The following GLG1 variants were observed in gnomAD, a reference collection of about 807,000 sequenced individuals.
The protein encoded by GLG1 is golgi glycoprotein 1, also known as Golgi apparatus protein 1.
GLG1 carries 38 observed loss-of-function variants against 160.5 expected under a neutral mutation model. The ratio of observed to expected loss-of-function variants is 0.24; its 90% confidence interval spans 0.18 to 0.31. The LOEUF (loss-of-function observed/expected upper bound fraction) is 0.31. Ranked by LOEUF, GLG1 falls within the 10% of genes least tolerant of loss-of-function variation. The pLI, the probability that GLG1 is intolerant of heterozygous loss-of-function variation, is 1.00. For missense variants in GLG1, 1,373 were observed against 1,505.2 expected, an observed-to-expected ratio of 0.91 and a Z score of 1.45; for synonymous variants, 644 against 543.4, an observed-to-expected ratio of 1.19 and a Z score of -2.57.
At chr16:74,515,118 C>T (rs1158481970) in intron 2 of GLG1, among the ~76,000 whole-genome samples, 1 of 152,060 alleles carries the variant, frequency 6.6e-6, no homozygotes, top group East Asian at 1.9e-4. Context: ...TATATGCACC[C>T]AATACAGGAG....
At position 74,477,309 on chromosome 16, in the gene GLG1, G is replaced by A. The variant is rs2015418558; in HGVS notation, c.1965+87C>T. Reference sequence around the variant, plus strand: ...TCACATCTGTAAGGTAAAGAGAGATGGATTTTATGGTGTTTGTACTCTGCA... The same window carrying A: ...TCACATCTGTAAGGTAAAGAGAGATAGATTTTATGGTGTTTGTACTCTGCA... On this transcript the variant is annotated intron_variant, in intron 12 of 25. Transcript: ENST00000422840. 7.1e-6 allele frequency: 7 copies of A among 985,274 alleles called. No individual in the cohort carries two copies. The East Asian group carries it at 1.4e-4, about 20-fold the overall frequency. 61.0% of individuals were successfully genotyped at this position (985,274 alleles called of 1,614,324 possible).
Position 74,570,658 on chromosome 16 carries a change from C to T in GLG1, c.438+35999G>A, listed in dbSNP as rs139012984. On this transcript the variant is annotated intron_variant, in intron 1 of 25. Coordinates refer to ENST00000422840, the MANE Select transcript of GLG1 (RefSeq NM_001145667.2). ...CATCTGTAATCACAACACTTTGGGA[C>T]GCCAGGGCAGGAGCATCACTTGAGA... Among the ~76,000 whole-genome samples the T allele has an allele frequency of 5.3e-5, 8 of 152,164 alleles. No individual in the cohort carries two copies. In the East Asian group the frequency reaches 1.2e-3, roughly 22 times the overall value.
chr16:74,469,284 T>C (rs977393100), intron 16 of GLG1: 1 of 573,930 alleles, frequency 1.7e-6, no homozygotes, highest in African/African-American at 1.9e-5. Context: ...ACTACATTCC[T>C]GACAGAAGGG....
At chr16:74,600,199 A>T (rs1039902718) in intron 1 of GLG1, among the ~76,000 whole-genome samples, 1 of 152,102 alleles carries the variant, frequency 6.6e-6, no homozygotes, top group Non-Finnish European at 1.5e-5. Flanking sequence ...AGAGAAGTAT[A>T]CCTACCACAT....
At chr16:74,595,799 T>C (rs1958285955) in intron 1 of GLG1, among the ~76,000 whole-genome samples, 2 of 152,162 alleles carry the variant, frequency 1.3e-5, no homozygotes, top group South Asian at 4.1e-4. Context: ...TAACCCAATA[T>C]ATCGAAATTT....
At position 74,485,834 on chromosome 16, in the gene GLG1, G is replaced by T; in HGVS notation, c.1533C>A (p.Ile511=). The stretch of plus-strand genomic sequence containing the variant: ...ATCTTATATGTTTGCAGGCTGTCTG[G>T]ATTACAGATTCACAAGCTTCATTCA... ...RALNEACESV[I]QTACKHIRSG... The change falls in exon 9 of 26, where the codon ATC becomes ATA. Residue 511 remains isoleucine (I), a synonymous_variant. Transcript: ENST00000422840. The T allele has an allele frequency of 6.2e-7, 1 of 1,612,922 alleles. No homozygotes were observed. The highest frequency in any genetic ancestry group is 8.5e-7 in the Non-Finnish European group (1 of 1,178,962).
At chr16:74,516,631 T>G (rs1386840058) in intron 2 of GLG1, among the ~76,000 whole-genome samples, 1 of 152,008 alleles carries the variant, frequency 6.6e-6, no homozygotes, top group Non-Finnish European at 1.5e-5. Context: ...CACCCTAACA[T>G]CATAATTAAA....
In GLG1 at chr16:74,522,840, C is replaced by T. The variant is rs117849084; in HGVS notation, c.471+9281G>A. ...CTGGGACCACAGGCCTGCATCACCA[C>T]ACCCAGCTAATTTTTCATATTTTTT... On this transcript the variant is annotated intron_variant, in intron 2 of 25. Transcript: ENST00000422840. 7.7e-3 allele frequency among the ~76,000 whole-genome samples: 1,170 copies of T among 152,258 alleles called. 2 individuals carry two copies. The highest frequency in any genetic ancestry group is 0.017 in the Middle Eastern group (5 of 294).
chr16:74,510,014 A>G (rs999229024), intron 2 of GLG1, among the ~76,000 whole-genome samples: 2 of 143,916 alleles, frequency 1.4e-5, no homozygotes, highest in South Asian at 4.6e-4. Flanking sequence ...CACTTGACAC[A>G]TACACTATAA....
intron 1 of GLG1, among the ~76,000 whole-genome samples, chr16:74,546,059 C>G (rs1357175028): frequency 6.6e-6 from 1 of 152,204 alleles, no homozygotes; most frequent in Non-Finnish European, 1.5e-5. Context: ...TACTATAATT[C>G]TTTCAAAGAC....
rs767463866 is a variant in GLG1 at position 74,494,799 on chromosome 16, G to A, written c.1011C>T (p.Cys337=). Residue 337 remains cysteine, a synonymous_variant, in exon 6 of 26, where the codon TGC becomes TGT. Coordinates refer to ENST00000422840, the MANE Select transcript of GLG1 (RefSeq NM_001145667.2). ...ATTCTTCAAATTTATGGTTAAAGAG[G>A]CACTTATACACTCTGCCCTCACCAG... is the stretch of plus-strand genomic sequence containing the variant. ...TQAGEGRVYK[C]LFNHKFEESM... 4.7e-6 allele frequency: 7 copies of A among 1,504,724 alleles called. No individual in the cohort carries two copies. The highest frequency in any genetic ancestry group is 6.5e-6 in the Non-Finnish European group (7 of 1,080,752). The allele number at this position is 1,504,724 out of a possible 1,614,324, so 93.2% of individuals were successfully genotyped here.
intron 23 of GLG1, 47 bp downstream of exon 23, chr16:74,459,635 A>G: frequency 2.0e-6 from 2 of 1,015,144 alleles, no homozygotes; most frequent in Non-Finnish European, 3.0e-6. Context: ...AAGAAGAGAA[A>G]AAAAAAAAAA....
At chr16:74,589,492 T>C (rs1191631228) in intron 1 of GLG1, among the ~76,000 whole-genome samples, 1 of 152,122 alleles carries the variant, frequency 6.6e-6, no homozygotes, top group Non-Finnish European at 1.5e-5. Context: ...ATAAAATATT[T>C]TCCCAAAAAT....
Position 74,459,661 on chromosome 16 carries a change from AAAG to A in GLG1, c.3144+18_3144+20del, listed in dbSNP as rs761083269. Reference sequence around the variant, plus strand: ...AAAAAAAAAAGAAATGAAGTGAGGAAAAGAAGGTGACGGTGGTTACCTTTTTAC... The same window carrying A: ...AAAAAAAAAAGAAATGAAGTGAGGAAAAGGTGACGGTGGTTACCTTTTTAC... On this transcript the variant is annotated intron_variant, in intron 23 of 25. Transcript: ENST00000422840. 9.4e-6 allele frequency: 11 copies of A among 1,176,134 alleles called. No homozygotes were observed. Among genetic ancestry groups the A allele is most frequent in the South Asian group, 6.5e-5 (5 of 76,582 alleles). The allele number at this position is 1,176,134 out of a possible 1,614,324, so 72.9% of individuals were successfully genotyped here. A position where few individuals can be genotyped will look rare whatever the true frequency, so the allele number is the denominator to read the frequency against.
chr16:74,535,526 G>A (rs183347620), intron 1 of GLG1, among the ~76,000 whole-genome samples: 2 of 152,162 alleles, frequency 1.3e-5, no homozygotes, highest in African/African-American at 4.8e-5. Flanking sequence ...TCCACCTCTT[G>A]GGCTTAACTG....
chr16:74,485,314 T>A (rs1365694472), intron 9 of GLG1, among the ~76,000 whole-genome samples: 2 of 152,248 alleles, frequency 1.3e-5, no homozygotes, highest in African/African-American at 2.4e-5. Flanking sequence ...ACTTTAGTAT[T>A]CATTTTGTCC....
chr16:74,512,266 T>A (rs1411039636), intron 2 of GLG1, among the ~76,000 whole-genome samples: 2 of 137,316 alleles, frequency 1.5e-5, no homozygotes, highest in East Asian at 4.9e-4. Flanking sequence ...AGAGCGAGAA[T>A]CCATATTAAA....
intron 4 of GLG1, among the ~76,000 whole-genome samples, chr16:74,497,816 T>C (rs1049145747): frequency 3.3e-5 from 5 of 152,226 alleles, no homozygotes; most frequent in Non-Finnish European, 7.3e-5. Context: ...CTCCTTTCCC[T>C]ACTCTGTGGT....
intron 1 of GLG1, among the ~76,000 whole-genome samples, chr16:74,537,451 G>T (rs1446479624): frequency 6.6e-6 from 1 of 150,512 alleles, no homozygotes; most frequent in Non-Finnish European, 1.5e-5. Context: ...GTGACTTTAG[G>T]TACATCACTT....
Sources: gnomAD v4.1 joint callset for allele counts (sites outside exome capture counted in the v4.1 genomes callset) on GRCh38, gnomAD v4.1.1 for gene constraint, MANE v1.5 for transcripts, NCBI Gene and HGNC (gene_info 2026-07-23, HGNC 2026-07-21) for gene names.